The following KIF16B variants were observed in gnomAD, a reference collection of about 807,000 sequenced individuals.
The protein encoded by KIF16B is kinesin family member 16B.
A neutral mutation model predicts 156.3 loss-of-function variants in KIF16B; 98 were observed. The observed-to-expected ratio is 0.63, with a 90% CI of 0.53 to 0.74. The LOEUF is 0.74. Ranked by LOEUF, KIF16B falls within the 30% of genes least tolerant of loss-of-function variation. The pLI, the probability that KIF16B is intolerant of heterozygous loss-of-function variation, is 0.00. For synonymous variants in KIF16B, 564 were observed against 583.7 expected, an observed-to-expected ratio of 0.97 and a Z score of 0.49; for missense variants, 1,421 against 1,606.5, an observed-to-expected ratio of 0.88 and a Z score of 1.97.
At chr20:16,283,130 T>C (rs1439679426) in intron 25 of KIF16B, among the ~76,000 whole-genome samples, 1 of 152,200 alleles carries the variant, frequency 6.6e-6, no homozygotes, top group Non-Finnish European at 1.5e-5. Flanking sequence ...TATAAAAGGA[T>C]GGATGGTATA....
In KIF16B at chr20:16,367,930, T is replaced by C. The variant is rs79140540; in HGVS notation, c.3498+2656A>G. 382 of 1,459,234 alleles carry C rather than the reference T, an allele frequency of 2.6e-4. 1 individual carries two copies. The African/African-American group carries it at 5.1e-3, about 19-fold the overall frequency. 90.4% of individuals were successfully genotyped at this position (1,459,234 alleles called of 1,614,324 possible). On this transcript the variant is annotated intron_variant, in intron 22 of 25. Coordinates refer to ENST00000354981, the MANE Select transcript of KIF16B (RefSeq NM_024704.5). ...TCCACCAAAGCCAATCTGAATCTCC[T>C]GTAGACCAGAGAGAGGTAGAGCATG...
intron 25 of KIF16B, among the ~76,000 whole-genome samples, chr20:16,277,459 T>TTTTA (rs74175678): frequency 0.063 from 9,114 of 143,884 alleles, 578 homozygotes; most frequent in East Asian, 0.33. Flanking sequence ...TATGTACATA[T>TTTTA]TATATATATA....
intron 25 of KIF16B, among the ~76,000 whole-genome samples, chr20:16,277,713 A>G (rs963349722): frequency 7.2e-5 from 11 of 152,152 alleles, no homozygotes; most frequent in African/African-American, 2.4e-4. Context: ...TTTATAAAAG[A>G]GCATTGCGAA....
intron 12 of KIF16B, among the ~76,000 whole-genome samples, chr20:16,478,005 T>A (rs575961185): frequency 5.3e-5 from 8 of 152,222 alleles, no homozygotes; most frequent in Non-Finnish European, 7.4e-5. Flanking sequence ...AAGGTACCGA[T>A]GGGCATCTGC....
intron 23 of KIF16B, among the ~76,000 whole-genome samples, chr20:16,350,570 T>C (rs1214499993): frequency 6.6e-6 from 1 of 151,860 alleles, no homozygotes; most frequent in African/African-American, 2.4e-5. Context: ...GATGGGAGGC[T>C]TTGGCATGCT....
At chr20:16,402,973 C>T (rs895517490) in intron 17 of KIF16B, among the ~76,000 whole-genome samples, 9 of 152,138 alleles carry the variant, frequency 5.9e-5, no homozygotes, top group South Asian at 2.1e-4. Context: ...TTCCATCTCA[C>T]GTATATATGT....
At chr20:16,514,903 A>G (rs60741363) in intron 4 of KIF16B, among the ~76,000 whole-genome samples, 29 of 127,150 alleles carry the variant, frequency 2.3e-4, no homozygotes, top group African/African-American at 3.0e-4. Flanking sequence ...AAAAAAAAAA[A>G]AAAAAAAAAA....
chr20:16,407,101 A>G (rs935897145), intron 15 of KIF16B, among the ~76,000 whole-genome samples: 2 of 152,208 alleles, frequency 1.3e-5, no homozygotes, highest in Admixed American at 6.5e-5. Context: ...AAACAACTGC[A>G]CAAGGGGCAA....
At chr20:16,366,595 A>G (rs889021301) in intron 22 of KIF16B, among the ~76,000 whole-genome samples, 2 of 152,236 alleles carry the variant, frequency 1.3e-5, no homozygotes, top group East Asian at 3.8e-4. Flanking sequence ...CAGGGCATGC[A>G]TCACTGTCTC....
intron 5 of KIF16B, among the ~76,000 whole-genome samples, chr20:16,512,401 G>A (rs1444999700): frequency 6.6e-6 from 1 of 152,122 alleles, no homozygotes; most frequent in African/African-American, 2.4e-5. Flanking sequence ...TCCCCTCACA[G>A]GTTTAATTTC....
intron 12 of KIF16B, among the ~76,000 whole-genome samples, chr20:16,437,489 G>GT (rs1226723914): frequency 2.6e-5 from 4 of 152,176 alleles, no homozygotes; most frequent in Non-Finnish European, 5.9e-5. Flanking sequence ...TAAGAACAGA[G>GT]TAAAAAGGGG....
chr20:16,432,593 A>G (rs1445527545), intron 12 of KIF16B, among the ~76,000 whole-genome samples: 1 of 152,014 alleles, frequency 6.6e-6, no homozygotes, highest in Admixed American at 6.6e-5. Context: ...CAAAACTCAA[A>G]CCCTGTAGAC....
chr20:16,440,780 T>C (rs985208624), intron 12 of KIF16B, among the ~76,000 whole-genome samples: 2 of 152,152 alleles, frequency 1.3e-5, no homozygotes, highest in African/African-American at 4.8e-5. Flanking sequence ...GGCAGTTCAA[T>C]TTCCACTACA....
chr20:16,511,376 T>C (rs1045567007), intron 6 of KIF16B, 42 bp downstream of exon 6: 3 of 1,078,042 alleles, frequency 2.8e-6, no homozygotes, highest in African/African-American at 1.6e-5. Context: ...TATTTTTACA[T>C]AGATCACAAA....
intron 24 of KIF16B, among the ~76,000 whole-genome samples, chr20:16,333,736 T>C (rs2063988458): frequency 6.6e-6 from 1 of 152,218 alleles, no homozygotes; most frequent in African/African-American, 2.4e-5. Flanking sequence ...TTCTGGAGTT[T>C]TCTTTAAAAA....
At chr20:16,430,389 C>G (rs1055429475) in intron 12 of KIF16B, among the ~76,000 whole-genome samples, 1 of 152,090 alleles carries the variant, frequency 6.6e-6, no homozygotes, top group Non-Finnish European at 1.5e-5. Flanking sequence ...AAGAAGCCTT[C>G]CTGTGCATTA....
At chr20:16,460,458 C>A (rs2146672260) in intron 12 of KIF16B, among the ~76,000 whole-genome samples, 1 of 152,122 alleles carries the variant, frequency 6.6e-6, no homozygotes, top group East Asian at 1.9e-4. Context: ...GTAATCCCAG[C>A]TACTCAAGAG....
At chr20:16,485,208 T>C (rs142085465) in intron 12 of KIF16B, among the ~76,000 whole-genome samples, 3 of 152,286 alleles carry the variant, frequency 2.0e-5, no homozygotes, top group East Asian at 3.9e-4. Flanking sequence ...CCACCAGCCA[T>C]GTGAGTCCAT....
chr20:16,306,561 C>G (rs972673973), intron 25 of KIF16B, among the ~76,000 whole-genome samples: 1 of 152,130 alleles, frequency 6.6e-6, no homozygotes, highest in Non-Finnish European at 1.5e-5. Context: ...CAGGAATCAT[C>G]AAGAATAAGA....
Sources: gnomAD v4.1 joint callset for allele counts (sites outside exome capture counted in the v4.1 genomes callset) on GRCh38, gnomAD v4.1.1 for gene constraint, MANE v1.5 for transcripts, NCBI Gene and HGNC (gene_info 2026-07-23, HGNC 2026-07-21) for gene names.